TAFA5: variants seen among roughly 807,000 people sequenced by gnomAD.
TAFA5 encodes the protein TAFA chemokine like family member 5, also known as chemokine-like protein TAFA-5.
Under a neutral mutation model 15.3 loss-of-function variants are expected in TAFA5, and 6 were observed. The observed-to-expected ratio is 0.39, with a 90% CI of 0.21 to 0.77. The LOEUF (loss-of-function observed/expected upper bound fraction) is 0.77, where lower values mean the gene tolerates loss of function less well. Ranked by LOEUF, TAFA5 falls within the 30% of genes least tolerant of loss-of-function variation. The probability of loss-of-function intolerance (pLI) is 0.41; values close to 1 mark genes in which losing one functional copy is unlikely to be tolerated. For synonymous variants in TAFA5, 103 were observed against 80.7 expected (o/e 1.28, Z -1.48); for missense variants, 161 against 193.1 (o/e 0.83, Z 0.98).
In TAFA5 at chr22:48,538,152, G is replaced by A. The variant is rs912412084; in HGVS notation, c.112+48448G>A. On this transcript the variant is annotated intron_variant, in intron 1 of 3. Transcript: ENST00000402357. ...GGTTATAACAAAAAAAGAAAAATAC[G>A]TGAAACCACCGAGATGGCCCGGGGC... 8.1e-5 allele frequency among the ~76,000 whole-genome samples: 12 copies of A among 147,596 alleles called. No homozygotes were observed. In the South Asian group the frequency reaches 1.8e-3, roughly 22 times the overall value.
At chr22:48,686,208 G>A (rs1185742970) in intron 2 of TAFA5, among the ~76,000 whole-genome samples, 1 of 152,228 alleles carries the variant, frequency 6.6e-6, no homozygotes, top group Non-Finnish European at 1.5e-5. Context: ...TGCCCAGGAG[G>A]GGAAAGGAGA....
intron 1 of TAFA5, among the ~76,000 whole-genome samples, chr22:48,620,119 C>T (rs1278980551): frequency 1.3e-5 from 2 of 152,166 alleles, no homozygotes; most frequent in Non-Finnish European, 2.9e-5. Context: ...CCACCGTCCC[C>T]AGTCCACACC....
chr22:48,572,013 C>G (rs1038326497), intron 1 of TAFA5, among the ~76,000 whole-genome samples: 2 of 152,126 alleles, frequency 1.3e-5, no homozygotes, highest in Non-Finnish European at 2.9e-5. Flanking sequence ...TTTTCTCCCC[C>G]TTGGGAGCCT....
intron 1 of TAFA5, among the ~76,000 whole-genome samples, chr22:48,509,364 T>A (rs1469961081): frequency 1.3e-5 from 2 of 152,244 alleles, no homozygotes; most frequent in Admixed American, 1.3e-4. Context: ...GGTGCTATTT[T>A]TATTTTTTTG....
At chr22:48,695,848 C>T (rs918872059) in intron 2 of TAFA5, among the ~76,000 whole-genome samples, 8 of 152,194 alleles carry the variant, frequency 5.3e-5, no homozygotes, top group African/African-American at 1.4e-4. Context: ...GGGGAGTCAG[C>T]GTGGCTGGCT....
chr22:48,639,700 G>A (rs987662852), intron 1 of TAFA5, among the ~76,000 whole-genome samples: 13 of 152,236 alleles, frequency 8.5e-5, no homozygotes, highest in African/African-American at 2.6e-4. Flanking sequence ...AGGGGGTACC[G>A]CTTGTCTCCC....
At chr22:48,534,452 G>A (rs1230282436) in intron 1 of TAFA5, among the ~76,000 whole-genome samples, 1 of 152,156 alleles carries the variant, frequency 6.6e-6, no homozygotes, top group Non-Finnish European at 1.5e-5. Context: ...GGACTGAGGA[G>A]TGTGGAGGCA....
chr22:48,597,052 C>G (rs961650613), intron 1 of TAFA5, among the ~76,000 whole-genome samples: 14 of 152,240 alleles, frequency 9.2e-5, no homozygotes, highest in African/African-American at 3.1e-4. Flanking sequence ...GGCGATCCTC[C>G]CGTCTTGGCC....
chr22:48,602,341 G>C lies in TAFA5; in HGVS notation c.113-44256G>C, dbSNP rs911151503. ...AGCAGGTCCTGGACATGGGGGCCTG[G>C]CCTGGGCTCCAGGGTCCCTGGGTGA... On this transcript the variant is annotated intron_variant, in intron 1 of 3. Coordinates refer to ENST00000402357, the MANE Select transcript of TAFA5 (RefSeq NM_001082967.3). 3.1e-4 allele frequency among the ~76,000 whole-genome samples: 47 copies of C among 152,200 alleles called. 1 individual carries two copies. The highest frequency in any genetic ancestry group is 1.1e-3 in the African/African-American group (46 of 41,452).
At chr22:48,537,802 G>GTT (rs1922222503) in intron 1 of TAFA5, among the ~76,000 whole-genome samples, 1 of 152,238 alleles carries the variant, frequency 6.6e-6, no homozygotes, top group South Asian at 2.1e-4. Context: ...GCTCCTGCCG[G>GTT]AGTGAAGAGA....
intron 2 of TAFA5, among the ~76,000 whole-genome samples, chr22:48,649,313 T>C (rs9617408): frequency 0.5 from 76,374 of 152,050 alleles, 19,474 homozygotes; most frequent in South Asian, 0.57. Flanking sequence ...CGTATGCCAC[T>C]GGCCCTCCGG....
chr22:48,503,307 G>A (rs1175687044), intron 1 of TAFA5, among the ~76,000 whole-genome samples: 2 of 152,252 alleles, frequency 1.3e-5, no homozygotes, highest in Non-Finnish European at 2.9e-5. Context: ...TCTGGCTGGT[G>A]CCAGGTGCAT....
At chr22:48,691,599 G>A (rs571845340) in intron 2 of TAFA5, among the ~76,000 whole-genome samples, 2 of 152,166 alleles carry the variant, frequency 1.3e-5, no homozygotes, top group African/African-American at 2.4e-5. Context: ...CGGAGGACGC[G>A]CCAGGAGCAG....
In TAFA5 at chr22:48,749,872, G is replaced by T. The variant is rs374470284; in HGVS notation, c.*25G>T. 6.4e-7 allele frequency: 1 copy of T among 1,554,164 alleles called. No homozygotes were observed. ...ACAAACACAGCCCCTGAGGGGCCCC[G>T]GGAGTGGCCTTGGCTCCCTGGAGAG... On this transcript the variant is annotated 3_prime_UTR_variant, in exon 4 of 4. Coordinates refer to ENST00000402357, the MANE Select transcript of TAFA5 (RefSeq NM_001082967.3).
At chr22:48,591,833 G>A (rs1924578896) in intron 1 of TAFA5, among the ~76,000 whole-genome samples, 1 of 152,182 alleles carries the variant, frequency 6.6e-6, no homozygotes, top group Non-Finnish European at 1.5e-5. Flanking sequence ...CTAGGGTCCA[G>A]CCCCTCCCGA....
At chr22:48,508,399 G>A (rs1921087208) in intron 1 of TAFA5, among the ~76,000 whole-genome samples, 1 of 152,178 alleles carries the variant, frequency 6.6e-6, no homozygotes, top group Non-Finnish European at 1.5e-5. Context: ...GCAAAGTGTT[G>A]GGAGTTTGGA....
intron 2 of TAFA5, among the ~76,000 whole-genome samples, chr22:48,667,733 C>T (rs1052128071): frequency 2.0e-5 from 3 of 150,814 alleles, no homozygotes; most frequent in African/African-American, 4.9e-5. Flanking sequence ...TCACCGGGAG[C>T]GTTAATCCCC....
chr22:48,608,905 G>T (rs1365319637), intron 1 of TAFA5, among the ~76,000 whole-genome samples: 1 of 152,246 alleles, frequency 6.6e-6, no homozygotes, highest in Non-Finnish European at 1.5e-5. Context: ...TGCTGTAGCG[G>T]AATAGGGCCA....
intron 2 of TAFA5, among the ~76,000 whole-genome samples, chr22:48,699,703 G>T (rs905496050): frequency 6.6e-6 from 1 of 152,218 alleles, no homozygotes; most frequent in Non-Finnish European, 1.5e-5. Context: ...TCTCTTTCGG[G>T]TGAAGACAAG....
Sources: allele counts gnomAD v4.1 joint callset (sites outside exome capture counted in the v4.1 genomes callset), GRCh38; gene constraint gnomAD v4.1.1; transcripts MANE v1.5; gene names NCBI Gene and HGNC (gene_info 2026-07-23, HGNC 2026-07-21).